The following MED16 variants were observed in gnomAD, a reference collection of about 807,000 sequenced individuals.
MED16 encodes mediator complex subunit 16, also known as mediator of RNA polymerase II transcription subunit 16.
Under a neutral mutation model 84.4 loss-of-function variants are expected in MED16, and 81 were observed. The ratio of observed to expected loss-of-function variants is 0.96; its 90% confidence interval spans 0.80 to 1.15. The LOEUF is 1.15. Ranked by LOEUF, MED16 falls within the 50% of genes most tolerant of loss-of-function variation. The pLI is 0.00. For missense variants in MED16, 1,585 were observed against 1,245.9 expected, an observed-to-expected ratio of 1.27 and a Z score of -4.10; for synonymous variants, 897 against 552.2, an observed-to-expected ratio of 1.62 and a Z score of -8.76.
intron 8 of MED16, among the ~76,000 whole-genome samples, chr19:877,491 T>A (rs2036277837): frequency 7.2e-6 from 1 of 138,388 alleles, no homozygotes; most frequent in Non-Finnish European, 1.6e-5. Flanking sequence ...AGCTCCTAGT[T>A]ACGAAGCTCC....
intron 5 of MED16, among the ~76,000 whole-genome samples, chr19:885,396 C>A (rs143864614): frequency 0.012 from 1,800 of 152,182 alleles, 16 homozygotes; most frequent in South Asian, 0.015. Context: ...CCGCCTCTCA[C>A]AGAGAAGGGA....
At chr19:872,551 TCCGTGATGGG>T (rs1308794240) in intron 11 of MED16, among the ~76,000 whole-genome samples, 1 of 150,112 alleles carries the variant, frequency 6.7e-6, no homozygotes, top group Non-Finnish European at 1.5e-5. Context: ...CTTCAAACCG[TCCGTGATGGG>T]CGCGGTGGAG....
At chr19:880,609 A>G (rs2036400593) in intron 7 of MED16, among the ~76,000 whole-genome samples, 1 of 152,150 alleles carries the variant, frequency 6.6e-6, no homozygotes, top group African/African-American at 2.4e-5. Flanking sequence ...GAGAATATGA[A>G]AGGAGTCCCT....
At chr19:891,800 G>A (rs2036641383) in intron 1 of MED16, among the ~76,000 whole-genome samples, 1 of 84,552 alleles carries the variant, frequency 1.2e-5, no homozygotes, top group East Asian at 3.6e-4. Context: ...ACCTGTGGCC[G>A]AGGCGGGGCT....
At chr19:889,586 G>C in intron 4 of MED16, 52 bp downstream of exon 4, 1 of 1,557,202 alleles carries the variant, frequency 6.4e-7, no homozygotes, top group East Asian at 2.3e-5. Context: ...CGGGTGGCTG[G>C]GTAGGGTGAC....
intron 7 of MED16, 36 bp downstream of exon 7, chr19:881,523 T>C (rs770095225): frequency 6.3e-7 from 1 of 1,589,358 alleles, no homozygotes; most frequent in Admixed American, 1.7e-5. Context: ...TGGTGTGAAC[T>C]GAGGCCCCGC....
intron 5 of MED16, among the ~76,000 whole-genome samples, chr19:885,369 T>C (rs1290819982): frequency 6.6e-6 from 1 of 151,992 alleles, no homozygotes; most frequent in African/African-American, 2.4e-5. Flanking sequence ...TCCTCAGCCC[T>C]AGGACCGGTG....
intron 6 of MED16, among the ~76,000 whole-genome samples, chr19:883,121 G>C (rs940924237): frequency 6.6e-6 from 1 of 152,230 alleles, no homozygotes; most frequent in African/African-American, 2.4e-5. Context: ...TCCAACTGAC[G>C]GCTGCGGTCA....
At chr19:871,761 G>A in intron 12 of MED16, 165 bp downstream of exon 12, 2 of 657,606 alleles carry the variant, frequency 3.0e-6, no homozygotes, top group South Asian at 3.2e-5. Context: ...GGTAGGGAGA[G>A]GGGAGCGGGG....
intron 5 of MED16, 83 bp downstream of exon 5, chr19:885,687 C>T (rs564159478): frequency 2.1e-5 from 32 of 1,495,522 alleles, no homozygotes; most frequent in East Asian, 1.4e-4. Flanking sequence ...TGGAGGCCCG[C>T]GCGGGTCTCC....
chr19:886,828 C>G (rs754655741), intron 4 of MED16, among the ~76,000 whole-genome samples: 2 of 152,184 alleles, frequency 1.3e-5, no homozygotes, highest in African/African-American at 4.8e-5. Context: ...ATAATCCCAG[C>G]ACTTTGGGGG....
At chr19:888,667 G>A (rs958967943) in intron 4 of MED16, among the ~76,000 whole-genome samples, 4 of 152,080 alleles carry the variant, frequency 2.6e-5, no homozygotes, top group African/African-American at 7.2e-5. Context: ...ACTCCATCCC[G>A]ACAAAACTGT....
intron 8 of MED16, among the ~76,000 whole-genome samples, chr19:879,426 AACC>A: frequency 3.0e-5 from 2 of 66,610 alleles, no homozygotes; most frequent in South Asian, 9.4e-4. Context: ...AATGCCCACC[AACC>A]CCAGCCCCAC....
intron 5 of MED16, among the ~76,000 whole-genome samples, 193 bp downstream of exon 5, chr19:885,577 G>C (rs768811598): frequency 6.6e-6 from 1 of 152,144 alleles, no homozygotes; most frequent in Non-Finnish European, 1.5e-5. Context: ...GCCCCGAACC[G>C]AGGGATTGGG....
At chr19:877,323 T>C (rs2036273525) in intron 8 of MED16, 143 bp from the exon 9 acceptor site, 7 of 730,248 alleles carry the variant, frequency 9.6e-6, no homozygotes, top group Non-Finnish European at 1.6e-5. Flanking sequence ...CGCGCATGTG[T>C]CTGTAGCGTC....
intron 10 of MED16, among the ~76,000 whole-genome samples, chr19:873,930 A>C (rs114186621): frequency 0.012 from 1,863 of 152,262 alleles, 36 homozygotes; most frequent in African/African-American, 0.042. Context: ...ACACAGGGGC[A>C]TGTCCACAGC....
In MED16 at chr19:890,557, G is replaced by A. The variant is rs978782424; in HGVS notation, c.170-313C>T. ...CCCGATTTGATTCCAATTTTCTGTG[G>A]TTTTCTAGTTTTCTCTAATGACCAC... On this transcript the variant is annotated intron_variant, in intron 2 of 15. Transcript: ENST00000325464. The A allele has an allele frequency of 1.0e-4, 38 of 371,338 alleles. No homozygotes were observed. The East Asian group carries it at 1.7e-3, about 16-fold the overall frequency. 23.0% of individuals were successfully genotyped at this position (371,338 alleles called of 1,614,324 possible).
intron 10 of MED16, 76 bp downstream of exon 10, chr19:875,168 G>A (rs1035205186): frequency 2.8e-6 from 3 of 1,054,756 alleles, no homozygotes; most frequent in African/African-American, 3.3e-5. Context: ...TATCTCAAAA[G>A]AGTAAAAAAA....
At chr19:871,477 G>C in intron 12 of MED16, 2 of 1,455,890 alleles carry the variant, frequency 1.4e-6, no homozygotes, top group African/African-American at 1.4e-5. Context: ...CCTGTCATGA[G>C]ACTCCCTCAT....
Sources: gnomAD v4.1 joint callset for allele counts (sites outside exome capture counted in the v4.1 genomes callset) on GRCh38, gnomAD v4.1.1 for gene constraint, MANE v1.5 for transcripts, NCBI Gene and HGNC (gene_info 2026-07-23, HGNC 2026-07-21) for gene names.